Variants in CYTH1 observed in about 807,000 individuals in gnomAD.
CYTH1 encodes cytohesin 1.
Under a neutral mutation model 61.8 loss-of-function variants are expected in CYTH1, and 18 were observed. That is an observed-to-expected ratio of 0.29 (90% CI 0.20 to 0.43). The LOEUF (loss-of-function observed/expected upper bound fraction) is 0.43. Among genes scored for constraint, CYTH1 ranks in the 20% least tolerant of loss-of-function variants. The probability of loss-of-function intolerance (pLI) is 1.00; values close to 1 mark genes in which losing one functional copy is unlikely to be tolerated. For missense variants in CYTH1, 336 were observed against 510.5 expected (o/e 0.66, Z 3.29); for synonymous variants, 174 against 184.3 (o/e 0.94, Z 0.45).
chr17:78,760,384 T>TATATATATATATATATATAC (rs751494741), intron 1 of CYTH1, among the ~76,000 whole-genome samples: 3 of 51,400 alleles, frequency 5.8e-5, no homozygotes, highest in Admixed American at 2.4e-4. Context: ...TATATATATA[T>TATATATATATATATATATAC]ACACACACAT....
chr17:78,743,016 G>T (rs1364056940), intron 1 of CYTH1, among the ~76,000 whole-genome samples: 1 of 152,148 alleles, frequency 6.6e-6, no homozygotes, highest in Admixed American at 6.5e-5. Context: ...AGCTTCTGTT[G>T]TATTTATTTA....
intron 1 of CYTH1, among the ~76,000 whole-genome samples, chr17:78,745,908 A>T (rs1307226855): frequency 6.6e-6 from 1 of 152,024 alleles, no homozygotes; most frequent in Non-Finnish European, 1.5e-5. Context: ...AGAAAAAAAA[A>T]TTTCATTACC....
intron 1 of CYTH1, among the ~76,000 whole-genome samples, chr17:78,745,146 T>C (rs557052769): frequency 1.4e-3 from 210 of 152,236 alleles, no homozygotes; most frequent in Non-Finnish European, 2.3e-3. Flanking sequence ...GAGCCAGGAC[T>C]GCAGTCTCCT....
chr17:78,685,476 T>C (rs1277600571), intron 11 of CYTH1, among the ~76,000 whole-genome samples: 1 of 151,252 alleles, frequency 6.6e-6, no homozygotes, highest in African/African-American at 2.4e-5. Flanking sequence ...ATATTTAAGT[T>C]TATTTAGCTA....
chr17:78,675,758 A>G lies in CYTH1; in HGVS notation c.*333T>C. 1 of 825,494 alleles carries G rather than the reference A, an allele frequency of 1.2e-6. No individual in the cohort carries two copies. The highest frequency in any genetic ancestry group is 2.9e-5 in the East Asian group (1 of 34,518). 51.1% of individuals were successfully genotyped at this position (825,494 alleles called of 1,614,324 possible). ...GGTTTGAAGGCTTCTTCACGGGGACAACCAAGAGGTAAACAGTTGGCTCTG... is the reference window on the plus strand; with the variant it reads ...GGTTTGAAGGCTTCTTCACGGGGACGACCAAGAGGTAAACAGTTGGCTCTG... On this transcript the variant is annotated 3_prime_UTR_variant, in exon 14 of 14. Transcript: ENST00000446868.
chr17:78,731,755 C>CAAAAAA (rs376349109), intron 1 of CYTH1, among the ~76,000 whole-genome samples: 1 of 73,682 alleles, frequency 1.4e-5, no homozygotes, highest in South Asian at 5.4e-4. Context: ...GACTCCGTCT[C>CAAAAAA]AAAAAAAAAA....
At chr17:78,764,996 C>G (rs919434095) in intron 1 of CYTH1, among the ~76,000 whole-genome samples, 3 of 152,046 alleles carry the variant, frequency 2.0e-5, no homozygotes, top group African/African-American at 7.2e-5. Flanking sequence ...GCTGCTCAAG[C>G]AAACAGGGGA....
chr17:78,742,521 T>C (rs1407300307), intron 1 of CYTH1, among the ~76,000 whole-genome samples: 1 of 152,144 alleles, frequency 6.6e-6, no homozygotes, highest in African/African-American at 2.4e-5. Flanking sequence ...ATGATTGTGC[T>C]GTTGCACTCC....
chr17:78,743,133 T>C (rs1195692169), intron 1 of CYTH1, among the ~76,000 whole-genome samples: 3 of 152,230 alleles, frequency 2.0e-5, no homozygotes, highest in Non-Finnish European at 4.4e-5. Flanking sequence ...AAGATGTCTA[T>C]GTTATACTGT....
chr17:78,744,786 T>C (rs1238224191), intron 1 of CYTH1, among the ~76,000 whole-genome samples: 5 of 149,798 alleles, frequency 3.3e-5, no homozygotes, highest in African/African-American at 1.2e-4. Context: ...CATACCTTCA[T>C]GACACAGACT....
chr17:78,744,845 CAAAAAAAA>C (rs3038702), intron 1 of CYTH1, among the ~76,000 whole-genome samples: 9 of 98,156 alleles, frequency 9.2e-5, no homozygotes, highest in Non-Finnish European at 2.0e-4. Context: ...GATTAGATGT[CAAAAAAAA>C]AAAAAAAAAG....
chr17:78,677,153 C>G (rs1257534771), intron 13 of CYTH1: 1 of 446,066 alleles, frequency 2.2e-6, no homozygotes, highest in East Asian at 7.0e-5. Context: ...TGGGATCTCA[C>G]TGGGAAGCGG....
chr17:78,774,135 C>T (rs2093482358), intron 1 of CYTH1, among the ~76,000 whole-genome samples: 1 of 152,176 alleles, frequency 6.6e-6, no homozygotes, highest in East Asian at 1.9e-4. Context: ...TGTACTGATA[C>T]ATTGCTAAGA....
chr17:78,708,769 A>G (rs1212183792), intron 2 of CYTH1: 1 of 171,352 alleles, frequency 5.8e-6, no homozygotes. Flanking sequence ...TCATTCCAGC[A>G]CACTGTTGGT....
chr17:78,761,986 T>C (rs979798992), intron 1 of CYTH1, among the ~76,000 whole-genome samples: 8 of 152,208 alleles, frequency 5.3e-5, no homozygotes, highest in African/African-American at 1.7e-4. Flanking sequence ...TCTGGCCTGC[T>C]TCCTCCATAC....
At chr17:78,738,730 C>T (rs1485707265) in intron 1 of CYTH1, among the ~76,000 whole-genome samples, 1 of 152,156 alleles carries the variant, frequency 6.6e-6, no homozygotes, top group Non-Finnish European at 1.5e-5. Context: ...CCAGCCTGCA[C>T]CATTTCAAAA....
chr17:78,699,296 A>C (rs996520311), intron 7 of CYTH1, among the ~76,000 whole-genome samples: 1 of 151,900 alleles, frequency 6.6e-6, no homozygotes, highest in Non-Finnish European at 1.5e-5. Context: ...CCTGGGAGGC[A>C]GAGCTTGCAG....
chr17:78,690,434 A>AAAAAAAAAAAAAAAT (rs1598829749), intron 11 of CYTH1, among the ~76,000 whole-genome samples: 1 of 141,052 alleles, frequency 7.1e-6, no homozygotes, highest in African/African-American at 2.7e-5. Context: ...AAAAAAAAGA[A>AAAAAAAAAAAAAAAT]ATGTATTTAC....
At chr17:78,775,152 C>T (rs1181265914) in intron 1 of CYTH1, among the ~76,000 whole-genome samples, 1 of 152,250 alleles carries the variant, frequency 6.6e-6, no homozygotes, top group Non-Finnish European at 1.5e-5. Context: ...TGAGGTCCCT[C>T]TGTGTGTTAT....
Sources: allele counts gnomAD v4.1 joint callset (sites outside exome capture counted in the v4.1 genomes callset), GRCh38; gene constraint gnomAD v4.1.1; transcripts MANE v1.5; gene names NCBI Gene and HGNC (gene_info 2026-07-23, HGNC 2026-07-21).